The following WDR27 variants were observed in gnomAD, a reference collection of about 807,000 sequenced individuals.
WDR27 encodes the protein WD repeat-containing protein 27.
Under a neutral mutation model 114.4 loss-of-function variants are expected in WDR27, and 100 were observed. The observed-to-expected ratio is 0.87, with a 90% CI of 0.74 to 1.03. The LOEUF (loss-of-function observed/expected upper bound fraction) is 1.03, where lower values mean the gene tolerates loss of function less well. Among genes scored for constraint, WDR27 ranks in the 50% least tolerant of loss-of-function variants. The pLI is 0.00. For missense variants in WDR27, 1,129 were observed against 1,092.9 expected, an observed-to-expected ratio of 1.03 and a Z score of -0.47; for synonymous variants, 449 against 423.1, an observed-to-expected ratio of 1.06 and a Z score of -0.75.
intron 25 of WDR27, among the ~76,000 whole-genome samples, chr6:169,501,076 T>A (rs73789979): frequency 0.018 from 2,739 of 152,206 alleles, 85 homozygotes; most frequent in African/African-American, 0.062. Flanking sequence ...CTGAAGGCAG[T>A]AGAGAGGGAG....
At position 169,659,390 on chromosome 6, in the gene WDR27, G is replaced by A. The variant is rs761485071; in HGVS notation, c.1197+61C>T. 231 of 1,593,448 alleles carry A rather than the reference G, an allele frequency of 1.4e-4. No individual in the cohort carries two copies. Among genetic ancestry groups the A allele is most frequent in the Non-Finnish European group, 1.9e-4 (218 of 1,167,946 alleles). On this transcript the variant is annotated intron_variant, in intron 11 of 25. Transcript: ENST00000448612. The surrounding 1 kb of genome is among the most constrained non-coding windows in gnomAD (Gnocchi z 4.3). Reference sequence around the variant, plus strand: ...CAGCCAGTCGTTACAGGATCACTCTGAAGAAAGAAGAAATCAGAGGCACGT... The same window carrying A: ...CAGCCAGTCGTTACAGGATCACTCTAAAGAAAGAAGAAATCAGAGGCACGT...
At chr6:169,605,590 T>C (rs548607691) in intron 22 of WDR27, among the ~76,000 whole-genome samples, 2 of 37,640 alleles carry the variant, frequency 5.3e-5, no homozygotes, top group South Asian at 1.5e-3. Flanking sequence ...TGTCATTTTT[T>C]ACATTAAAAA....
intron 6 of WDR27, 69 bp from the exon 7 acceptor site, chr6:169,665,625 G>T: frequency 1.4e-6 from 2 of 1,414,990 alleles, no homozygotes; most frequent in Non-Finnish European, 2.0e-6. Flanking sequence ...AGAACTGTCA[G>T]TTTTACTTAT....
chr6:169,701,667 C>T lies in WDR27; in HGVS notation c.-124G>A. On this transcript the variant is annotated 5_prime_UTR_variant, in exon 1 of 26. In the 5' UTR this introduces an upstream ATG that the reference lacks. Coordinates refer to ENST00000448612, the MANE Select transcript of WDR27 (RefSeq NM_182552.5). The stretch of plus-strand genomic sequence containing the variant: ...CCGAATTCCCCTGGAGACCCTCGCA[C>T]TAGCACGGCGTCAGGAGGAGGCTTC... 1 of 174,490 alleles carries T rather than the reference C, an allele frequency of 5.7e-6. No homozygotes were observed. The highest frequency in any genetic ancestry group is 1.2e-5 in the Non-Finnish European group (1 of 81,046). 10.8% of individuals were successfully genotyped at this position (174,490 alleles called of 1,614,324 possible).
In WDR27 at chr6:169,634,481, G is replaced by A. The variant is rs189652264; in HGVS notation, c.2048C>T (p.Thr683Met). ...ACTGGTCATGTCTACTGCACCCGTC[G>A]TGGAGAGCCTGCAAATCAGCTTGGA... Reference protein sequence around the residue: ...SKSKLICRLSTTGAVDMTSLS... With the variant: ...SKSKLICRLSMTGAVDMTSLS... The change falls in exon 20 of 26, where the codon ACG becomes ATG. Residue 683 changes from threonine to methionine, a missense_variant. Physicochemically the swap from Thr to Met is moderately conservative, Grantham distance 81. Transcript: ENST00000448612. The A allele has an allele frequency of 1.7e-5, 27 of 1,613,152 alleles. No homozygotes were observed. Among genetic ancestry groups the A allele is most frequent in the African/African-American group, 1.6e-4 (12 of 75,020 alleles).
chr6:169,569,713 G>A (rs1000603545), intron 25 of WDR27, among the ~76,000 whole-genome samples: 4 of 152,156 alleles, frequency 2.6e-5, no homozygotes, highest in African/African-American at 9.7e-5. Context: ...CATCCTTAAA[G>A]CATTGCAAAT....
chr6:169,509,717 T>C (rs945531141), intron 25 of WDR27, among the ~76,000 whole-genome samples: 4 of 152,096 alleles, frequency 2.6e-5, no homozygotes, highest in African/African-American at 9.7e-5. Context: ...GACATAGGCA[T>C]GGGCAAGGAC....
chr6:169,442,120 G>A, the WDR27 span, among the ~76,000 whole-genome samples: 15 of 152,198 alleles, frequency 9.9e-5, no homozygotes, highest in African/African-American at 2.2e-4. Context: ...GGCCAGGTTC[G>A]TCTGCTATAA....
intron 25 of WDR27, among the ~76,000 whole-genome samples, chr6:169,505,836 C>A (rs1336217400): frequency 6.6e-6 from 1 of 152,158 alleles, no homozygotes; most frequent in Non-Finnish European, 1.5e-5. Context: ...ATTTTTGATT[C>A]ATTAGGACTG....
At chr6:169,549,614 G>T (rs1364325142) in intron 25 of WDR27, among the ~76,000 whole-genome samples, 1 of 152,206 alleles carries the variant, frequency 6.6e-6, no homozygotes, top group East Asian at 1.9e-4. Context: ...AAATATGAAA[G>T]CTACAAAGAC....
intron 25 of WDR27, among the ~76,000 whole-genome samples, chr6:169,470,688 A>G (rs1423518165): frequency 1.3e-5 from 2 of 152,144 alleles, no homozygotes; most frequent in African/African-American, 2.4e-5. Flanking sequence ...TACAAAGCCA[A>G]CAATTCTATC....
At chr6:169,561,984 CA>C (rs1259706923) in intron 25 of WDR27, among the ~76,000 whole-genome samples, 1 of 152,158 alleles carries the variant, frequency 6.6e-6, no homozygotes, top group Non-Finnish European at 1.5e-5. Context: ...CATGTCATCA[CA>C]ATGAAGGTGT....
chr6:169,560,091 T>C (rs1245970560), intron 25 of WDR27, among the ~76,000 whole-genome samples: 1 of 152,126 alleles, frequency 6.6e-6, no homozygotes, highest in African/African-American at 2.4e-5. Context: ...AATCTCCACT[T>C]GAATCGTATC....
At chr6:169,583,080 C>G in intron 23 of WDR27, 146 bp from the exon 24 acceptor site, 1 of 660,616 alleles carries the variant, frequency 1.5e-6, no homozygotes. Context: ...AAACATCATC[C>G]AAGCTGGGGA....
At chr6:169,663,096 AG>A (rs1826794673) in intron 8 of WDR27, among the ~76,000 whole-genome samples, 5 of 151,820 alleles carry the variant, frequency 3.3e-5, no homozygotes, top group Admixed American at 1.3e-4. Flanking sequence ...GAAAGCACTA[AG>A]GTAACACCCA....
chr6:169,477,629 T>C (rs1016484457), intron 25 of WDR27, among the ~76,000 whole-genome samples: 2 of 152,128 alleles, frequency 1.3e-5, no homozygotes, highest in African/African-American at 2.4e-5. Flanking sequence ...AGTACAGACA[T>C]GGTTTCTCCA....
downstream of WDR27, among the ~76,000 whole-genome samples, chr6:169,456,589 C>T (rs1784354775): frequency 6.6e-6 from 1 of 152,134 alleles, no homozygotes. The surrounding 1 kb of genome is among the most constrained non-coding windows in gnomAD (Gnocchi z 4.0). Flanking sequence ...GAGTCTGATA[C>T]ATGCAGAGTC....
chr6:169,428,873 C>T, the WDR27 span, among the ~76,000 whole-genome samples: 2 of 152,196 alleles, frequency 1.3e-5, no homozygotes, highest in Admixed American at 1.3e-4. Flanking sequence ...CGTCCCACTT[C>T]TCAAGGCTGC....
At chr6:169,645,232 G>C (rs1262857794) in intron 16 of WDR27, among the ~76,000 whole-genome samples, 4 of 151,482 alleles carry the variant, frequency 2.6e-5, no homozygotes, top group African/African-American at 9.7e-5. Context: ...TAGTTCACAG[G>C]AGTCACACTG....
Sources: allele counts gnomAD v4.1 joint callset (sites outside exome capture counted in the v4.1 genomes callset), GRCh38; gene constraint gnomAD v4.1.1; non-coding constraint Gnocchi (gnomAD v3.1); transcripts MANE v1.5; gene names NCBI Gene and HGNC (gene_info 2026-07-23, HGNC 2026-07-21).